Variants in MARK1 observed in about 807,000 individuals in gnomAD.
MARK1 encodes the protein serine/threonine-protein kinase MARK1.
In MARK1, 40 loss-of-function variants were observed where a neutral mutation model predicts 96.3. That is an observed-to-expected ratio of 0.42 (90% CI 0.32 to 0.54). The LOEUF is 0.54. Among genes scored for constraint, MARK1 ranks in the 20% least tolerant of loss-of-function variants. The pLI, the probability that MARK1 is intolerant of heterozygous loss-of-function variation, is 0.16. For synonymous variants in MARK1, 317 were observed against 341.2 expected (o/e 0.93, Z 0.78); for missense variants, 719 against 984.6 (o/e 0.73, Z 3.61).
chr1:220,623,435 C>A (rs1667152246), intron 9 of MARK1, among the ~76,000 whole-genome samples: 1 of 152,204 alleles, frequency 6.6e-6, no homozygotes, highest in Non-Finnish European at 1.5e-5. Context: ...ACCCCCACAT[C>A]TTCCCTTTCT....
At chr1:220,592,273 C>G (rs1240384749) in intron 3 of MARK1, among the ~76,000 whole-genome samples, 1 of 116,756 alleles carries the variant, frequency 8.6e-6, no homozygotes, top group Non-Finnish European at 1.8e-5. Flanking sequence ...TTATATTATA[C>G]TATCTTGCTA....
chr1:220,627,352 A>G (rs1471535600), intron 9 of MARK1: 3 of 493,718 alleles, frequency 6.1e-6, no homozygotes, highest in Non-Finnish European at 1.2e-5. Context: ...GAAAAGAGAA[A>G]GACCTAGATG....
At chr1:220,629,244 TA>T (rs1329849398) in intron 9 of MARK1, among the ~76,000 whole-genome samples, 2 of 152,046 alleles carry the variant, frequency 1.3e-5, no homozygotes, top group Non-Finnish European at 2.9e-5. Flanking sequence ...AATTCTGTAG[TA>T]ATAAAAAGTG....
At chr1:220,606,840 G>A (rs576086092) in intron 6 of MARK1, among the ~76,000 whole-genome samples, 22 of 152,152 alleles carry the variant, frequency 1.4e-4, no homozygotes, top group African/African-American at 3.4e-4. Flanking sequence ...GTAGATGTGC[G>A]GCATTATTTC....
At position 220,663,376 on chromosome 1, in the gene MARK1, G is replaced by A. The variant is rs1490614818; in HGVS notation, c.*1210G>A. On this transcript the variant is annotated 3_prime_UTR_variant, in exon 18 of 18. Coordinates refer to ENST00000366917, the MANE Select transcript of MARK1 (RefSeq NM_018650.5). The stretch of plus-strand genomic sequence containing the variant: ...CCTATAATGTGCCGCTTTGTGATTG[G>A]GCATTTGCCTACTTTTCTTTCATAA... The A allele has an allele frequency of 6.6e-6, 1 of 152,354 alleles. No homozygotes were observed. The highest frequency in any genetic ancestry group is 1.5e-5 in the Non-Finnish European group (1 of 67,968). The allele number at this position is 152,354 out of a possible 1,614,324, so 9.4% of individuals were successfully genotyped here. A position where few individuals can be genotyped will look rare whatever the true frequency, so the allele number is the denominator to read the frequency against.
intron 6 of MARK1, among the ~76,000 whole-genome samples, chr1:220,612,865 A>G (rs915354916): frequency 1.1e-4 from 16 of 152,186 alleles, no homozygotes; most frequent in Non-Finnish European, 1.9e-4. Context: ...GTTTAAGACC[A>G]CTGAGCAGCC....
In MARK1 at chr1:220,618,246, T is replaced by C. The variant is rs558107796; in HGVS notation, c.553-64T>C. ...TATGTAAGTTTGGAAGCTAAAACTC[T>C]TTTACAAATATTTTTATTTTATGTA... On this transcript the variant is annotated intron_variant, in intron 7 of 17. Coordinates refer to ENST00000366917, the MANE Select transcript of MARK1 (RefSeq NM_018650.5). This position sits in a 1 kb window ranked among gnomAD's most constrained non-coding sequence, Gnocchi z 4.6. 9.1e-7 allele frequency: 1 copy of C among 1,096,022 alleles called. No homozygotes were observed. Among genetic ancestry groups the C allele is most frequent in the Admixed American group, 2.0e-5 (1 of 48,954 alleles). The allele number at this position is 1,096,022 out of a possible 1,614,324, so 67.9% of individuals were successfully genotyped here.
chr1:220,573,821 TG>T (rs1663650269), intron 1 of MARK1, among the ~76,000 whole-genome samples: 1 of 110,662 alleles, frequency 9.0e-6, no homozygotes, highest in African/African-American at 3.0e-5. Context: ...TAGTATATAT[TG>T]TAGTATATAT....
At chr1:220,627,504 C>T in intron 9 of MARK1, 1 of 397,494 alleles carries the variant, frequency 2.5e-6, no homozygotes, top group Non-Finnish European at 5.0e-6. Flanking sequence ...TCCACCAACA[C>T]CTCAGATTTT....
chr1:220,657,681 A>T, intron 16 of MARK1, 109 bp from the exon 17 acceptor site: 3 of 687,194 alleles, frequency 4.4e-6, no homozygotes, highest in Non-Finnish European at 7.1e-6. Context: ...GAAAACTGTC[A>T]TGGTAGAAGT....
intron 9 of MARK1, among the ~76,000 whole-genome samples, chr1:220,621,706 G>A (rs1025790206): frequency 6.6e-6 from 1 of 151,834 alleles, no homozygotes; most frequent in Non-Finnish European, 1.5e-5. Context: ...CATCATGAAT[G>A]TTTTTTCAGT....
intron 9 of MARK1, among the ~76,000 whole-genome samples, chr1:220,630,411 T>G (rs1198909607): frequency 1.3e-5 from 2 of 152,192 alleles, no homozygotes; most frequent in East Asian, 3.8e-4. Flanking sequence ...CCCCACAAGG[T>G]TGCCTTTTAA....
intron 9 of MARK1, chr1:220,627,130 A>G: frequency 4.0e-6 from 2 of 504,762 alleles, no homozygotes; most frequent in Non-Finnish European, 8.0e-6. Flanking sequence ...CTGCCCCACA[A>G]ACCTGGGTCC....
At chr1:220,598,693 T>A (rs58434110) in intron 4 of MARK1, among the ~76,000 whole-genome samples, 30 of 150,948 alleles carry the variant, frequency 2.0e-4, no homozygotes, top group East Asian at 7.8e-4. Context: ...TTTCTAAATT[T>A]AAAAAAAAAT....
rs1363902747 is a variant in MARK1, at chr1:220,650,609, T to TA, written c.1471-10dup. On this transcript the variant is annotated splice_polypyrimidine_tract_variant and intron_variant, in intron 13 of 17. Coordinates refer to ENST00000366917, the MANE Select transcript of MARK1 (RefSeq NM_018650.5). Reference sequence around the variant, plus strand: ...TATAATTTTTTAATTGCCTTTTTTTTATTCTTGAAGAACAATGTGTATTCT... The same window carrying TA: ...TATAATTTTTTAATTGCCTTTTTTTTAATTCTTGAAGAACAATGTGTATTCT... 5 of 1,543,314 alleles carry TA rather than the reference T, an allele frequency of 3.2e-6. No individual in the cohort carries two copies. The highest frequency in any genetic ancestry group is 1.7e-4 in the Middle Eastern group (1 of 5,892).
chr1:220,633,105 G>A (rs957230174), intron 11 of MARK1, among the ~76,000 whole-genome samples: 97 of 152,230 alleles, frequency 6.4e-4, no homozygotes, highest in Non-Finnish European at 1.3e-3. Context: ...ACCAGATCTA[G>A]CGTGAACCCG....
chr1:220,548,247 A>G (rs973719472), intron 1 of MARK1, among the ~76,000 whole-genome samples: 19 of 152,198 alleles, frequency 1.2e-4, no homozygotes, highest in African/African-American at 4.3e-4. Flanking sequence ...AGGTTCCTCT[A>G]TGTTCATGAT....
At chr1:220,595,520 T>A (rs980424449) in intron 3 of MARK1, among the ~76,000 whole-genome samples, 4 of 152,216 alleles carry the variant, frequency 2.6e-5, no homozygotes, top group African/African-American at 9.7e-5. Flanking sequence ...CCATTAGGAC[T>A]GTGGAGCACA....
At chr1:220,607,740 C>A (rs1666171845) in intron 6 of MARK1, among the ~76,000 whole-genome samples, 1 of 152,090 alleles carries the variant, frequency 6.6e-6, no homozygotes, top group South Asian at 2.1e-4. Flanking sequence ...CCATCAATAC[C>A]TGGTTTATCG....
Sources: gnomAD v4.1 joint callset for allele counts (sites outside exome capture counted in the v4.1 genomes callset) on GRCh38, gnomAD v4.1.1 for gene constraint, Gnocchi (gnomAD v3.1) non-coding constraint, MANE v1.5 for transcripts, NCBI Gene and HGNC (gene_info 2026-07-23, HGNC 2026-07-21) for gene names.